The following KCNQ3 variants were observed in gnomAD, a reference collection of about 807,000 sequenced individuals.
KCNQ3 encodes potassium voltage-gated channel subfamily KQT member 3.
In KCNQ3, 30 loss-of-function variants were observed where a neutral mutation model predicts 92.5. That is an observed-to-expected ratio of 0.32 (90% CI 0.24 to 0.44). The LOEUF (loss-of-function observed/expected upper bound fraction) is 0.44, where lower values mean the gene tolerates loss of function less well. Among genes scored for constraint, KCNQ3 ranks in the 20% least tolerant of loss-of-function variants. The pLI is 1.00. For synonymous variants in KCNQ3, 450 were observed against 468.8 expected (o/e 0.96, Z 0.52); for missense variants, 913 against 1,140.3 (o/e 0.80, Z 2.87).
chr8:132,345,115 G>C (rs912871989), intron 1 of KCNQ3, among the ~76,000 whole-genome samples: 5 of 152,098 alleles, frequency 3.3e-5, no homozygotes, highest in Admixed American at 2.6e-4. Flanking sequence ...CTCCTCTGGG[G>C]CCCTCAGGAC....
chr8:132,312,960 T>C (rs1286473159), intron 1 of KCNQ3, among the ~76,000 whole-genome samples: 4 of 152,186 alleles, frequency 2.6e-5, no homozygotes, highest in African/African-American at 7.2e-5. Context: ...CCACCATTCA[T>C]CAAAACTGCA....
intron 1 of KCNQ3, among the ~76,000 whole-genome samples, chr8:132,370,780 A>G (rs1819453758): frequency 6.6e-6 from 1 of 152,224 alleles, no homozygotes. Context: ...ATTGGTTAAT[A>G]ACAACAGGCA....
At chr8:132,292,704 C>T (rs1343125072) in intron 1 of KCNQ3, among the ~76,000 whole-genome samples, 1 of 152,146 alleles carries the variant, frequency 6.6e-6, no homozygotes, top group Non-Finnish European at 1.5e-5. Context: ...TGGTTTTCAT[C>T]CATGGTTCCT....
intron 14 of KCNQ3, among the ~76,000 whole-genome samples, chr8:132,130,436 C>G (rs765190592): frequency 6.6e-6 from 1 of 152,190 alleles, no homozygotes; most frequent in Non-Finnish European, 1.5e-5. Context: ...TCTTGCAACT[C>G]TTAATAATAG....
intron 1 of KCNQ3, among the ~76,000 whole-genome samples, chr8:132,233,799 T>C (rs1405184938): frequency 3.3e-5 from 5 of 152,178 alleles, no homozygotes; most frequent in Admixed American, 2.6e-4. Context: ...AAACCTTATA[T>C]AATGGAATTA....
intron 1 of KCNQ3, among the ~76,000 whole-genome samples, chr8:132,381,247 CG>C (rs768493662): frequency 3.9e-5 from 6 of 152,350 alleles, no homozygotes; most frequent in Non-Finnish European, 7.3e-5. Context: ...AAGCCCAGAT[CG>C]GTCTGATACC....
chr8:132,340,691 T>C (rs1486704924), intron 1 of KCNQ3, among the ~76,000 whole-genome samples: 1 of 152,128 alleles, frequency 6.6e-6, no homozygotes, highest in Non-Finnish European at 1.5e-5. Flanking sequence ...ACCTAGATGA[T>C]GGGTTGATAG....
intron 1 of KCNQ3, among the ~76,000 whole-genome samples, chr8:132,425,695 G>T (rs1338411468): frequency 6.6e-6 from 1 of 152,188 alleles, no homozygotes. Flanking sequence ...ACTCCTGGGG[G>T]ACTCCTGCTG....
chr8:132,291,689 C>T (rs150697157), intron 1 of KCNQ3, among the ~76,000 whole-genome samples: 2 of 152,290 alleles, frequency 1.3e-5, no homozygotes, highest in East Asian at 3.9e-4. Context: ...GCTATTCACA[C>T]ATAACCAGAT....
At chr8:132,443,729 C>T (rs1213352728) in intron 1 of KCNQ3, among the ~76,000 whole-genome samples, 2 of 152,098 alleles carry the variant, frequency 1.3e-5, no homozygotes, top group East Asian at 3.9e-4. Context: ...ATTTTGCAGC[C>T]AGTAGTGAAA....
At chr8:132,327,117 T>C (rs571072991) in intron 1 of KCNQ3, among the ~76,000 whole-genome samples, 2 of 152,316 alleles carry the variant, frequency 1.3e-5, no homozygotes, top group African/African-American at 2.4e-5. Flanking sequence ...GTTCTGTCTA[T>C]GTGCAAGGCA....
intron 1 of KCNQ3, among the ~76,000 whole-genome samples, chr8:132,383,653 C>T (rs1819815523): frequency 6.6e-6 from 1 of 152,200 alleles, no homozygotes; most frequent in South Asian, 2.1e-4. Flanking sequence ...ATCTCTACAG[C>T]CCTCAGCAGC....
intron 1 of KCNQ3, among the ~76,000 whole-genome samples, chr8:132,301,540 C>A (rs926638755): frequency 1.3e-5 from 2 of 152,116 alleles, no homozygotes; most frequent in African/African-American, 4.8e-5. Flanking sequence ...ATTAAAGAAG[C>A]ATTTACTGAC....
intron 1 of KCNQ3, among the ~76,000 whole-genome samples, chr8:132,276,133 A>C (rs892368119): frequency 5.9e-5 from 9 of 152,208 alleles, no homozygotes; most frequent in African/African-American, 2.2e-4. Flanking sequence ...TGTTTCGGCA[A>C]AGGAGCCAAA....
chr8:132,421,683 TGAG>T (rs1820971127), intron 1 of KCNQ3, among the ~76,000 whole-genome samples: 1 of 152,032 alleles, frequency 6.6e-6, no homozygotes, highest in African/African-American at 2.4e-5. Context: ...CAAAGGAAAA[TGAG>T]GAACAAACCT....
intron 1 of KCNQ3, among the ~76,000 whole-genome samples, chr8:132,370,051 T>C (rs897192477): frequency 4.6e-5 from 7 of 152,176 alleles, no homozygotes; most frequent in African/African-American, 1.7e-4. Flanking sequence ...TGCTGTCTCC[T>C]AGCCTGGCTG....
chr8:132,404,897 T>G (rs1820436708), intron 1 of KCNQ3, among the ~76,000 whole-genome samples: 1 of 152,208 alleles, frequency 6.6e-6, no homozygotes, highest in Admixed American at 6.5e-5. Context: ...GTGGGTGACT[T>G]AAATTTTCTG....
At chr8:132,475,028 T>C (rs942668103) in intron 1 of KCNQ3, among the ~76,000 whole-genome samples, 2 of 152,100 alleles carry the variant, frequency 1.3e-5, no homozygotes, top group African/African-American at 2.4e-5. Context: ...ATCCAGTTGT[T>C]TGATAAGTGT....
At chr8:132,386,156 A>T (rs1318668317) in intron 1 of KCNQ3, among the ~76,000 whole-genome samples, 2 of 152,156 alleles carry the variant, frequency 1.3e-5, no homozygotes, top group East Asian at 1.9e-4. Flanking sequence ...AAAAGAAATG[A>T]CATTTCACAT....
Sources: gnomAD v4.1 joint callset for allele counts (sites outside exome capture counted in the v4.1 genomes callset) on GRCh38, gnomAD v4.1.1 for gene constraint, MANE v1.5 for transcripts, NCBI Gene and HGNC (gene_info 2026-07-23, HGNC 2026-07-21) for gene names.